Variants in FAM168A observed in about 807,000 individuals in gnomAD.
FAM168A encodes the protein family with sequence similarity 168 member A.
FAM168A carries 3 observed loss-of-function variants against 28.5 expected under a neutral mutation model. The observed-to-expected ratio is 0.11, with a 90% confidence interval of 0.05 to 0.27. The LOEUF is 0.27. FAM168A is among the 10% of genes least tolerant of loss of function. The pLI, the probability that FAM168A is intolerant of heterozygous loss-of-function variation, is 1.00. For missense variants in FAM168A, 222 were observed against 311.5 expected (o/e 0.71, Z 2.16); for synonymous variants, 122 against 124.2 (o/e 0.98, Z 0.12).
At chr11:73,462,920 G>GAGAAA (rs1449439666) in intron 2 of FAM168A, among the ~76,000 whole-genome samples, 1 of 151,108 alleles carries the variant, frequency 6.6e-6, no homozygotes, top group Non-Finnish European at 1.5e-5. Context: ...GAGAGGAGAA[G>GAGAAA]AGAAGAGAAA....
At chr11:73,594,494 T>C (rs1033543353) in intron 1 of FAM168A, among the ~76,000 whole-genome samples, 3 of 152,166 alleles carry the variant, frequency 2.0e-5, no homozygotes, top group African/African-American at 7.2e-5. Flanking sequence ...ATGTTCACAA[T>C]GTTTTGCAGC....
intron 2 of FAM168A, among the ~76,000 whole-genome samples, chr11:73,460,967 C>T (rs1314578052): frequency 1.3e-5 from 2 of 152,194 alleles, no homozygotes. Context: ...AGAAAGAGAA[C>T]TAGATTGGCT....
intron 1 of FAM168A, among the ~76,000 whole-genome samples, chr11:73,484,703 T>TATATATATAGATATATATCGATATATAG (rs1565266006): frequency 1.4e-4 from 18 of 130,748 alleles, no homozygotes; most frequent in African/African-American, 2.9e-4. Context: ...TAGATATAGA[T>TATATATATAGATATATATCGATATATAG]ATATATAGAT....
In FAM168A at chr11:73,406,255, G is replaced by A. The variant is rs551217287; in HGVS notation, c.*508C>T. 6.0e-4 allele frequency: 91 copies of A among 152,242 alleles called. No homozygotes were observed. The highest frequency in any genetic ancestry group is 2.0e-3 in the African/African-American group (84 of 41,526). 9.4% of individuals were successfully genotyped at this position (152,242 alleles called of 1,614,324 possible). A position where few individuals can be genotyped will look rare whatever the true frequency, so the allele number is the denominator to read the frequency against. ...GGTTCTCAGGAGACATTTCATTTGT[G>A]TCTGGGACATGGGAATGTCCTGAAC... On this transcript the variant is annotated 3_prime_UTR_variant, in exon 8 of 8. Transcript: ENST00000356467.
chr11:73,462,886 AGAG>A (rs1867672776), intron 2 of FAM168A, among the ~76,000 whole-genome samples: 1 of 151,312 alleles, frequency 6.6e-6, no homozygotes, highest in Non-Finnish European at 1.5e-5. Context: ...AGAAGAGAGG[AGAG>A]GAGAAGAGAA....
chr11:73,555,053 G>C (rs1027199055), intron 1 of FAM168A, among the ~76,000 whole-genome samples: 1 of 152,210 alleles, frequency 6.6e-6, no homozygotes, highest in South Asian at 2.1e-4. Context: ...TAATTTAAAG[G>C]AGAAAGACAT....
chr11:73,529,230 T>C (rs942408690), intron 1 of FAM168A, among the ~76,000 whole-genome samples: 1 of 152,090 alleles, frequency 6.6e-6, no homozygotes, highest in Non-Finnish European at 1.5e-5. Flanking sequence ...AACTCTATGC[T>C]TGCCTTCATA....
At chr11:73,561,531 G>T (rs999810576) in intron 1 of FAM168A, among the ~76,000 whole-genome samples, 1 of 151,504 alleles carries the variant, frequency 6.6e-6, no homozygotes, top group Admixed American at 6.6e-5. Context: ...TATTTTATTA[G>T]ATTACTTTTG....
chr11:73,447,962 C>T (rs1042471728), intron 2 of FAM168A, among the ~76,000 whole-genome samples: 17 of 152,292 alleles, frequency 1.1e-4, no homozygotes, highest in Admixed American at 2.6e-4. Context: ...TTATATAAAA[C>T]GGGATAATAA....
intron 1 of FAM168A, among the ~76,000 whole-genome samples, chr11:73,480,012 T>G (rs1423870213): frequency 6.6e-6 from 1 of 152,230 alleles, no homozygotes. Context: ...GCTGTCTGCT[T>G]CTTCATATTG....
chr11:73,497,899 A>G lies in FAM168A; in HGVS notation c.-18-29407T>C, dbSNP rs1007366140. Among the ~76,000 whole-genome samples the G allele has an allele frequency of 2.0e-5, 3 of 152,238 alleles. No homozygotes were observed. In the South Asian group the frequency reaches 6.2e-4, roughly 31 times the overall value. On this transcript the variant is annotated intron_variant, in intron 1 of 7. Transcript: ENST00000356467. ...ACATGTACCCTAGAACTTAAAGCAT[A>G]ATAAAAATAAATAAAACTCAAAACA... is the stretch of plus-strand genomic sequence containing the variant.
intron 1 of FAM168A, among the ~76,000 whole-genome samples, chr11:73,561,290 G>A (rs1276569932): frequency 1.9e-4 from 29 of 152,054 alleles, no homozygotes; most frequent in African/African-American, 6.0e-4. Flanking sequence ...CAGGAGAATC[G>A]CTTCAACCTG....
rs536148197 is a variant in FAM168A, at chr11:73,511,237, CT to C, written c.-18-42746del. Among the ~76,000 whole-genome samples the C allele has an allele frequency of 1.6e-3, 235 of 150,066 alleles. 1 individual carries two copies. Among genetic ancestry groups the C allele is most frequent in the African/African-American group, 5.3e-3 (218 of 40,902 alleles). ...TAAGCTCCAGTAGCACTGAATTTTT[CT>C]TTTTTTTTCTTTTTTTTGAGATGGA... On this transcript the variant is annotated intron_variant, in intron 1 of 7. Coordinates refer to ENST00000356467, the MANE Select transcript of FAM168A (RefSeq NM_015159.3).
intron 7 of FAM168A, among the ~76,000 whole-genome samples, chr11:73,407,146 A>G (rs981084663): frequency 1.3e-5 from 2 of 152,234 alleles, no homozygotes; most frequent in Non-Finnish European, 2.9e-5. Flanking sequence ...AGAATTTAGT[A>G]CTAGAGAACT....
intron 1 of FAM168A, among the ~76,000 whole-genome samples, chr11:73,524,029 C>T (rs764648776): frequency 6.6e-6 from 1 of 151,960 alleles, no homozygotes; most frequent in Non-Finnish European, 1.5e-5. Flanking sequence ...CCGGCCCCTA[C>T]TCTCATAATT....
intron 1 of FAM168A, among the ~76,000 whole-genome samples, chr11:73,497,694 C>A (rs927635768): frequency 1.3e-5 from 2 of 151,844 alleles, no homozygotes; most frequent in African/African-American, 4.8e-5. Flanking sequence ...TAGGTGGGAA[C>A]TGAACAATGA....
At chr11:73,521,700 A>G (rs1458385219) in intron 1 of FAM168A, among the ~76,000 whole-genome samples, 3 of 152,198 alleles carry the variant, frequency 2.0e-5, no homozygotes, top group Non-Finnish European at 4.4e-5. Flanking sequence ...TGGTAATAAC[A>G]ACGGGGAAGG....
intron 1 of FAM168A, among the ~76,000 whole-genome samples, chr11:73,507,970 C>T (rs1397353839): frequency 6.6e-6 from 1 of 152,086 alleles, no homozygotes; most frequent in East Asian, 1.9e-4. Flanking sequence ...AGATATAATA[C>T]AATCAGCTGT....
chr11:73,510,716 A>G (rs1301079130), intron 1 of FAM168A: 2 of 372,210 alleles, frequency 5.4e-6, no homozygotes, highest in East Asian at 7.5e-5. Flanking sequence ...TCCGGAAAAA[A>G]AGAACCATTT....
Sources: allele counts gnomAD v4.1 joint callset (sites outside exome capture counted in the v4.1 genomes callset), GRCh38; gene constraint gnomAD v4.1.1; transcripts MANE v1.5; gene names NCBI Gene and HGNC (gene_info 2026-07-23, HGNC 2026-07-21).